Variants in ITGA3 observed in about 807,000 individuals in gnomAD.
ITGA3 encodes the protein integrin alpha-3.
A neutral mutation model predicts 131.1 loss-of-function variants in ITGA3; 70 were observed. That is an observed-to-expected ratio of 0.53 (90% CI 0.44 to 0.65). The LOEUF (loss-of-function observed/expected upper bound fraction) is 0.65, where lower values mean the gene tolerates loss of function less well. Ranked by LOEUF, ITGA3 falls within the 30% of genes least tolerant of loss-of-function variation. ITGA3 has a pLI of 0.00. For missense variants in ITGA3, 1,098 were observed against 1,388.6 expected (o/e 0.79, Z 3.33); for synonymous variants, 537 against 571.6 (o/e 0.94, Z 0.86).
chr17:50,081,488 G>A (rs150211820), intron 23 of ITGA3, 80 bp downstream of exon 23: 77 of 1,018,864 alleles, frequency 7.6e-5, no homozygotes, highest in African/African-American at 5.9e-4. Flanking sequence ...GGACACTGAC[G>A]CACTTCAGCC....
intron 16 of ITGA3, among the ~76,000 whole-genome samples, chr17:50,077,753 G>C (rs1453719787): frequency 1.3e-5 from 2 of 152,226 alleles, no homozygotes; most frequent in Non-Finnish European, 2.9e-5. Flanking sequence ...AATTCTCACA[G>C]CCTTCTGAGG....
Position 50,079,187 on chromosome 17 carries a change from G to A in ITGA3, c.2512G>A (p.Val838Ile), listed in dbSNP as rs370218357. 55 of 1,613,930 alleles carry A rather than the reference G, an allele frequency of 3.4e-5. No individual in the cohort carries two copies. The highest frequency in any genetic ancestry group is 1.7e-4 in the Admixed American group (10 of 60,006). ...KWLLYPTEIT[V>I]HGNGSWPCRP... ...GCTGCTGTATCCCACGGAGATCACC[G>A]TCCATGGCAATGGGTCCTGGCCCTG... The change falls in exon 20 of 26, where the codon GTC becomes ATC. Residue 838 changes from valine (V) to isoleucine (I), a missense_variant. Val to Ile is a conservative substitution (Grantham distance 29). This residue lies in a region of ITGA3 where 699 missense variants were observed against 829.2 expected (regional missense o/e 0.84). Transcript: ENST00000320031.
Position 50,068,151 on chromosome 17 carries a change from G to C in ITGA3, c.510G>C (p.Glu170Asp). ...GKCYVRGNDL[E>D]LDSSDDWQTY... is the part of the protein sequence containing the mutation. The stretch of plus-strand genomic sequence containing the variant: ...GCTACGTGCGAGGCAATGACCTAGA[G>C]CTGGACTCCAGTGATGACTGGCAGA... The change falls in exon 4 of 26, where the codon GAG becomes GAC. Residue 170 changes from glutamate (E) to aspartate (D), a missense_variant. Glu to Asp is a conservative substitution (Grantham distance 45). Around this residue, in one of 3 missense-constraint regions of ITGA3, gnomAD observed 356 missense variants for 529.2 expected, o/e 0.67. Coordinates refer to ENST00000320031, the MANE Select transcript of ITGA3 (RefSeq NM_002204.4). 1.2e-6 allele frequency: 2 copies of C among 1,614,202 alleles called. No homozygotes were observed. The highest frequency in any genetic ancestry group is 1.7e-5 in the Admixed American group (1 of 60,034).
At chr17:50,079,382 C>T (rs896322924) in intron 20 of ITGA3, 53 bp from the exon 21 acceptor site, 4 of 1,550,908 alleles carry the variant, frequency 2.6e-6, no homozygotes, top group Non-Finnish European at 2.6e-6. Context: ...TCCTGCAACC[C>T]TGCTCCCAAT....
rs76252295 is a variant in ITGA3 at position 50,070,031 on chromosome 17, C to A, written c.665-813C>A. ...CACCGAAGGCTGAGGCCTCTGCCCC[C>A]TCTTCTGGTCCTGCCTCCCACCCCC... is the stretch of plus-strand genomic sequence containing the variant. On this transcript the variant is annotated intron_variant, in intron 4 of 25. Transcript: ENST00000320031. 5.0e-3 allele frequency among the ~76,000 whole-genome samples: 759 copies of A among 152,334 alleles called. 9 individuals are homozygous for A. The highest frequency in any genetic ancestry group is 0.017 in the African/African-American group (724 of 41,584).
chr17:50,074,884 C>G (rs1224558739), intron 10 of ITGA3, among the ~76,000 whole-genome samples: 2 of 152,270 alleles, frequency 1.3e-5, no homozygotes, highest in Admixed American at 1.3e-4. Flanking sequence ...ATTAATCCCT[C>G]TTAGGCTCAG....
chr17:50,083,229 A>C (rs1346729455), intron 23 of ITGA3, among the ~76,000 whole-genome samples: 2 of 152,212 alleles, frequency 1.3e-5, no homozygotes, highest in Non-Finnish European at 2.9e-5. Flanking sequence ...CTACTTCACA[A>C]CATAAACAAA....
At chr17:50,070,509 G>T (rs1484551257) in intron 4 of ITGA3, among the ~76,000 whole-genome samples, 3 of 151,878 alleles carry the variant, frequency 2.0e-5, no homozygotes, top group Admixed American at 6.6e-5. Context: ...AGCCGGGCAT[G>T]GTGGCGCATG....
intron 6 of ITGA3, 106 bp from the exon 7 acceptor site, chr17:50,071,880 C>T (rs775147332): frequency 2.7e-4 from 267 of 993,154 alleles, no homozygotes; most frequent in Admixed American, 3.9e-4. Flanking sequence ...CCGGAAGAGC[C>T]ATTTGCAGAG....
At position 50,068,818 on chromosome 17, in the gene ITGA3, ATTTATTTATTTAT is replaced by A. The variant is rs1567698510; in HGVS notation, c.664+516_664+528del. Among the ~76,000 whole-genome samples, 86 of 117,544 alleles carry A rather than the reference ATTTATTTATTTAT, an allele frequency of 7.3e-4. 1 individual carries two copies. Among genetic ancestry groups the A allele is most frequent in the African/African-American group, 2.2e-3 (77 of 34,840 alleles). The allele number at this position is 117,544 out of a possible 152,430, so 77.1% of individuals were successfully genotyped here. A position where few individuals can be genotyped will look rare whatever the true frequency, so the allele number is the denominator to read the frequency against. On this transcript the variant is annotated intron_variant, in intron 4 of 25. Coordinates refer to ENST00000320031, the MANE Select transcript of ITGA3 (RefSeq NM_002204.4). Reference sequence around the variant, plus strand: ...TGCCCAGCCTCAATCAGTCTTTTTTATTTATTTATTTATTTATTTATTTATTTATTTATTTATT... The same window carrying A: ...TGCCCAGCCTCAATCAGTCTTTTTTATTATTTATTTATTTATTTATTTATT...
chr17:50,072,719 A>C (rs943599902), intron 7 of ITGA3, among the ~76,000 whole-genome samples: 3 of 152,122 alleles, frequency 2.0e-5, no homozygotes, highest in Non-Finnish European at 4.4e-5. Flanking sequence ...GTATGGAATG[A>C]GTGATTGCAG....
At position 50,090,287 on chromosome 17, in the gene ITGA3, G is replaced by C. The variant is rs1409058260; in HGVS notation, c.*1209G>C. 8 of 456,236 alleles carry C rather than the reference G, an allele frequency of 1.8e-5. No homozygotes were observed. The highest frequency in any genetic ancestry group is 1.6e-4 in the Admixed American group (7 of 42,564). 28.3% of individuals were successfully genotyped at this position (456,236 alleles called of 1,614,324 possible). On this transcript the variant is annotated 3_prime_UTR_variant, in exon 26 of 26. Coordinates refer to ENST00000320031, the MANE Select transcript of ITGA3 (RefSeq NM_002204.4). ...GCCTGGCTCTGCCCCCTCCCCCATG[G>C]GCTGTGTCCTAAGGCCCATTTGAGA...
At position 50,064,703 on chromosome 17, in the gene ITGA3, C is replaced by T. The variant is rs1012748841; in HGVS notation, c.414+96C>T. ...AAGAAGAGGGCAGCAGGGGGGTCCA[C>T]GGCGCGTGTGTGCTGGGGCCTGCAC... On this transcript the variant is annotated intron_variant, in intron 3 of 25. Transcript: ENST00000320031. The surrounding 1 kb of genome is among the most constrained non-coding windows in gnomAD (Gnocchi z 4.4). 1.2e-5 allele frequency: 12 copies of T among 1,012,840 alleles called. No homozygotes were observed. Among genetic ancestry groups the T allele is most frequent in the Admixed American group, 2.3e-5 (1 of 43,794 alleles). The allele number at this position is 1,012,840 out of a possible 1,614,324, so 62.7% of individuals were successfully genotyped here.
rs1437105918 is a variant in ITGA3 at position 50,088,222 on chromosome 17, C to T, written c.3046-3C>T. On this transcript the variant is annotated splice_polypyrimidine_tract_variant and splice_region_variant and intron_variant, in intron 24 of 25. Transcript: ENST00000320031. ...GCCCGTCCCCACCTCCTCCCCTCCG[C>T]AGTGCGGCTTCTTCAAGCGAGCCCG... 1 of 1,556,564 alleles carries T rather than the reference C, an allele frequency of 6.4e-7. No individual in the cohort carries two copies. Among genetic ancestry groups the T allele is most frequent in the Admixed American group, 1.9e-5 (1 of 51,478 alleles).
At chr17:50,062,357 C>A (rs1908128764) in intron 1 of ITGA3, among the ~76,000 whole-genome samples, 1 of 152,202 alleles carries the variant, frequency 6.6e-6, no homozygotes, top group African/African-American at 2.4e-5. Context: ...ATGCTCCTTT[C>A]CCGCAGGCTG....
At position 50,076,667 on chromosome 17, in the gene ITGA3, G is replaced by A; in HGVS notation, c.1908G>A (p.Gln636=). 3 of 1,613,418 alleles carry A rather than the reference G, an allele frequency of 1.9e-6. No homozygotes were observed. The highest frequency in any genetic ancestry group is 2.5e-6 in the Non-Finnish European group (3 of 1,179,762). ...QMRAAFVSEQ[Q]QKLSRLQYSR... ...GGGCAGCCTTCGTGTCAGAGCAGCA[G>A]CAGAAGCTGAGCAGGTGGCTGTGGG... The change falls in exon 14 of 26, where the codon CAG becomes CAA. Residue 636 remains glutamine (Q), a synonymous_variant. Transcript: ENST00000320031.
At chr17:50,065,587 A>G (rs914970810) in intron 3 of ITGA3, 5 of 152,320 alleles carry the variant, frequency 3.3e-5, no homozygotes, top group African/African-American at 1.2e-4. Flanking sequence ...ATAGTTCCAC[A>G]TGGCTGGGGA....
rs1459374275 is a variant in ITGA3, at chr17:50,076,957, T to C, written c.1923-17T>C. 1.3e-6 allele frequency: 2 copies of C among 1,597,986 alleles called. No individual in the cohort carries two copies. The highest frequency in any genetic ancestry group is 8.6e-7 in the Non-Finnish European group (1 of 1,169,508). ...GGGGGCGGGGCTCTTGGCTGAGTCCTGGGCTCCTGCTCTCAGGCTCCAGTA... is the reference window on the plus strand; with the variant it reads ...GGGGGCGGGGCTCTTGGCTGAGTCCCGGGCTCCTGCTCTCAGGCTCCAGTA... On this transcript the variant is annotated splice_polypyrimidine_tract_variant and intron_variant, in intron 14 of 25. Transcript: ENST00000320031.
At chr17:50,088,044 G>A (rs557234253) in intron 24 of ITGA3, among the ~76,000 whole-genome samples, 175 bp downstream of exon 24, 2 of 152,038 alleles carry the variant, frequency 1.3e-5, no homozygotes, top group African/African-American at 2.4e-5. Context: ...CTGGGTTAGT[G>A]GGGGGAGCTG....
Sources: gnomAD v4.1 joint callset for allele counts (sites outside exome capture counted in the v4.1 genomes callset) on GRCh38, gnomAD v4.1.1 for gene constraint, gnomAD v4.1.1 regional missense constraint, Gnocchi (gnomAD v3.1) non-coding constraint, MANE v1.5 for transcripts, NCBI Gene and HGNC (gene_info 2026-07-23, HGNC 2026-07-21) for gene names.